The following CAMTA1 variants were observed in gnomAD, a reference collection of about 807,000 sequenced individuals.
The protein encoded by CAMTA1 is calmodulin binding transcription activator 1, also known as calmodulin-binding transcription activator 1.
Under a neutral mutation model 170.9 loss-of-function variants are expected in CAMTA1, and 27 were observed. The ratio of observed to expected loss-of-function variants is 0.16; its 90% CI spans 0.12 to 0.22. CAMTA1 has a LOEUF of 0.22. CAMTA1 is among the 10% of genes least tolerant of loss of function. The probability of loss-of-function intolerance (pLI) is 1.00; values close to 1 mark genes in which losing one functional copy is unlikely to be tolerated. For missense variants in CAMTA1, 1,619 were observed against 2,217.2 expected (o/e 0.73, Z 5.42); for synonymous variants, 833 against 891.5 (o/e 0.93, Z 1.17).
At chr1:7,549,077 T>C (rs1302786415) in intron 6 of CAMTA1, among the ~76,000 whole-genome samples, 2 of 135,146 alleles carry the variant, frequency 1.5e-5, no homozygotes, top group African/African-American at 5.6e-5. Context: ...CCATGGAGGG[T>C]GCCTCCTTAG....
rs772288518 is a variant in CAMTA1 at position 7,640,548 on chromosome 1, C to T, written c.659C>T (p.Pro220Leu). The T allele has an allele frequency of 6.2e-7, 1 of 1,614,212 alleles. No individual in the cohort carries two copies. The highest frequency in any genetic ancestry group is 8.5e-7 in the Non-Finnish European group (1 of 1,180,028). ...GAAGAGCTCATCGGGCAGCTGAAACCCATGTGTGAGTGGCCTTGGCCGGCC... is the reference window on the plus strand; with the variant it reads ...GAAGAGCTCATCGGGCAGCTGAAACTCATGTGTGAGTGGCCTTGGCCGGCC... Reference protein sequence around the residue: ...TKEELIGQLKPMFHGIKWTCS... With the variant: ...TKEELIGQLKLMFHGIKWTCS... The change falls in exon 7 of 23, where the codon CCC (proline) becomes CTC (leucine). Residue 220 changes from proline to leucine, a missense_variant. Transcript: ENST00000303635.
chr1:7,456,558 T>A lies in CAMTA1; in HGVS notation c.439-11272T>A, dbSNP rs1398182439. 6.6e-6 allele frequency among the ~76,000 whole-genome samples: 1 copy of A among 152,168 alleles called. No individual in the cohort carries two copies. The highest frequency in any genetic ancestry group is 1.5e-5 in the Non-Finnish European group (1 of 68,024). On this transcript the variant is annotated intron_variant, in intron 5 of 22. Transcript: ENST00000303635. The surrounding 1 kb of genome is among the most constrained non-coding windows in gnomAD (Gnocchi z 4.9). ...AGATAACTGAGCAAGAATATACACG[T>A]ACACTGAGCAGAGCTCCTGCTGATG...
chr1:7,136,738 G>T (rs1645566462), intron 4 of CAMTA1, among the ~76,000 whole-genome samples: 1 of 152,140 alleles, frequency 6.6e-6, no homozygotes, highest in Non-Finnish European at 1.5e-5. Flanking sequence ...TCATCTTACT[G>T]GTCGATGAGT....
chr1:6,819,244 C>G (rs2148441910), intron 1 of CAMTA1, among the ~76,000 whole-genome samples: 1 of 151,684 alleles, frequency 6.6e-6, no homozygotes, highest in Admixed American at 6.6e-5. Flanking sequence ...ATACTGCAGC[C>G]AAACAAAAAA....
At chr1:7,287,268 G>A (rs959862165) in intron 5 of CAMTA1, among the ~76,000 whole-genome samples, 1 of 152,188 alleles carries the variant, frequency 6.6e-6, no homozygotes, top group Non-Finnish European at 1.5e-5. Context: ...TCTGCAGAAT[G>A]CATGGCAGTG....
At chr1:7,237,098 G>C (rs1009667792) in intron 4 of CAMTA1, among the ~76,000 whole-genome samples, 1 of 152,198 alleles carries the variant, frequency 6.6e-6, no homozygotes, top group Non-Finnish European at 1.5e-5. Context: ...TAGGACCAAA[G>C]GCATTGGGAG....
At position 7,463,605 on chromosome 1, in the gene CAMTA1, A is replaced by T. The variant is rs1306539256; in HGVS notation, c.439-4225A>T. Among the ~76,000 whole-genome samples, 1 of 152,140 alleles carries T rather than the reference A, an allele frequency of 6.6e-6. No individual in the cohort carries two copies. Among genetic ancestry groups the T allele is most frequent in the Non-Finnish European group, 1.5e-5 (1 of 68,022 alleles). On this transcript the variant is annotated intron_variant, in intron 5 of 22. Coordinates refer to ENST00000303635, the MANE Select transcript of CAMTA1 (RefSeq NM_015215.4). This position sits in a 1 kb window ranked among gnomAD's most constrained non-coding sequence, Gnocchi z 4.7. ...GAAAGATAGAGACGGAAGAAGAGAG[A>T]CCAAGGGACAGAGACACAGAGAGGC...
chr1:7,386,325 G>A (rs1053489501), intron 5 of CAMTA1, among the ~76,000 whole-genome samples: 13 of 152,336 alleles, frequency 8.5e-5, no homozygotes, highest in Admixed American at 1.3e-4. Context: ...AGCAGCCGCC[G>A]TCACCCAGCT....
chr1:7,316,292 T>C (rs1574630656), intron 5 of CAMTA1, among the ~76,000 whole-genome samples: 1 of 152,318 alleles, frequency 6.6e-6, no homozygotes, highest in East Asian at 1.9e-4. Flanking sequence ...ACACCAGGCA[T>C]TGGATTTAAT....
rs1478235304 is a variant in CAMTA1 at position 7,730,928 on chromosome 1, C to CTCTCTA, written c.2915-1519_2915-1518insCTCTAT. 3.8e-3 allele frequency among the ~76,000 whole-genome samples: 437 copies of CTCTCTA among 114,196 alleles called. 3 individuals carry two copies. Among genetic ancestry groups the CTCTCTA allele is most frequent in the East Asian group, 0.026 (123 of 4,722 alleles). 74.9% of individuals were successfully genotyped at this position (114,196 alleles called of 152,430 possible). ...TCTCAATCTCTCTCTCTCTCTCTCT[C>CTCTCTA]TATATATATATATATATATTTAACA... On this transcript the variant is annotated intron_variant, in intron 11 of 22. Coordinates refer to ENST00000303635, the MANE Select transcript of CAMTA1 (RefSeq NM_015215.4).
At chr1:6,906,651 A>G (rs1678556551) in intron 3 of CAMTA1, among the ~76,000 whole-genome samples, 1 of 152,200 alleles carries the variant, frequency 6.6e-6, no homozygotes, top group Non-Finnish European at 1.5e-5. Context: ...AAATTGGAGC[A>G]ACAGGAGCTT....
intron 5 of CAMTA1, among the ~76,000 whole-genome samples, chr1:7,447,097 T>C (rs941433503): frequency 6.6e-6 from 1 of 152,098 alleles, no homozygotes. Context: ...ACCTAGTAGA[T>C]GCCAGTGTGC....
chr1:6,805,965 T>C (rs1401537335), intron 1 of CAMTA1, among the ~76,000 whole-genome samples: 1 of 152,178 alleles, frequency 6.6e-6, no homozygotes, highest in Non-Finnish European at 1.5e-5. Flanking sequence ...TTTACACCTG[T>C]GTTTTTTTGT....
Position 7,303,665 on chromosome 1 carries a change from A to G in CAMTA1, c.438+54039A>G, listed in dbSNP as rs146723611. On this transcript the variant is annotated intron_variant, in intron 5 of 22. Coordinates refer to ENST00000303635, the MANE Select transcript of CAMTA1 (RefSeq NM_015215.4). ...TAGCCCTTGTTGACACAGTCTAGAG[A>G]CAAGGGATGAGCAGACAATAAGAAC... 1.6e-3 allele frequency among the ~76,000 whole-genome samples: 240 copies of G among 152,294 alleles called. 8 individuals carry two copies. In the East Asian group the frequency reaches 0.036, roughly 23 times the overall value.
intron 3 of CAMTA1, among the ~76,000 whole-genome samples, chr1:7,060,683 T>C (rs1558041047): frequency 1.3e-5 from 2 of 151,658 alleles, no homozygotes; most frequent in Admixed American, 1.3e-4. Context: ...CTCACGGCCC[T>C]GCGGCTTCCT....
At chr1:7,141,637 A>G (rs1645896354) in intron 4 of CAMTA1, among the ~76,000 whole-genome samples, 1 of 152,166 alleles carries the variant, frequency 6.6e-6, no homozygotes, top group African/African-American at 2.4e-5. Flanking sequence ...TTACTTTTCA[A>G]ATGAGATCAG....
rs960397951 is a variant in CAMTA1 at position 7,769,024 on chromosome 1, A to C, written c.*2533A>C. 1 of 152,156 alleles carries C rather than the reference A, an allele frequency of 6.6e-6. No individual in the cohort carries two copies. The highest frequency in any genetic ancestry group is 1.9e-4 in the East Asian group (1 of 5,310). The allele number at this position is 152,156 out of a possible 1,614,324, so 9.4% of individuals were successfully genotyped here. On this transcript the variant is annotated 3_prime_UTR_variant, in exon 23 of 23. Transcript: ENST00000303635. Reference sequence around the variant, plus strand: ...TCACATTTTTTTTTTAATGTTTCACATGTTACATTATTAGCTGAATACGTT... The same window carrying C: ...TCACATTTTTTTTTTAATGTTTCACCTGTTACATTATTAGCTGAATACGTT...
intron 11 of CAMTA1, among the ~76,000 whole-genome samples, chr1:7,705,570 G>A (rs1023948208): frequency 7.3e-5 from 11 of 151,228 alleles, no homozygotes; most frequent in Non-Finnish European, 1.2e-4. Context: ...CCCGGCCGGC[G>A]GCGAGTGTGT....
intron 5 of CAMTA1, among the ~76,000 whole-genome samples, chr1:7,416,362 C>A (rs1023418087): frequency 5.9e-5 from 9 of 152,226 alleles, no homozygotes; most frequent in Non-Finnish European, 1.2e-4. Context: ...TGTTTTCCAA[C>A]TTGGTTCCAT....
Sources: allele counts gnomAD v4.1 joint callset (sites outside exome capture counted in the v4.1 genomes callset), GRCh38; gene constraint gnomAD v4.1.1; non-coding constraint Gnocchi (gnomAD v3.1); transcripts MANE v1.5; gene names NCBI Gene and HGNC (gene_info 2026-07-23, HGNC 2026-07-21).